Variants in NFASC observed in about 807,000 individuals in gnomAD.
The protein encoded by NFASC is neurofascin, also known as neurofascin homolog.
Under a neutral mutation model 147.5 loss-of-function variants are expected in NFASC, and 43 were observed. The observed-to-expected ratio is 0.29, with a 90% CI of 0.23 to 0.38. NFASC has a LOEUF of 0.38. Ranked by LOEUF, NFASC falls within the 10% of genes least tolerant of loss-of-function variation. NFASC has a pLI of 1.00. For synonymous variants in NFASC, 622 were observed against 665.5 expected (o/e 0.93, Z 1.01); for missense variants, 1,320 against 1,689.0 (o/e 0.78, Z 3.83).
intron 1 of NFASC, among the ~76,000 whole-genome samples, chr1:204,855,313 A>G (rs2076058572): frequency 6.6e-6 from 1 of 152,232 alleles, no homozygotes; most frequent in South Asian, 2.1e-4. Flanking sequence ...ATAACTGGGA[A>G]CCAAGAGACA....
At chr1:204,958,031 C>T (rs2094504365) in intron 8 of NFASC, among the ~76,000 whole-genome samples, 1 of 152,198 alleles carries the variant, frequency 6.6e-6, no homozygotes, top group Non-Finnish European at 1.5e-5. Context: ...CTTGGTCCTA[C>T]TCTAAGTCAA....
chr1:204,900,646 G>T (rs543080137), intron 1 of NFASC, among the ~76,000 whole-genome samples: 13 of 152,256 alleles, frequency 8.5e-5, no homozygotes, highest in South Asian at 2.1e-4. Context: ...TGCTAGTGAG[G>T]TATAAATTAA....
intron 1 of NFASC, among the ~76,000 whole-genome samples, chr1:204,857,916 C>CTTTTTTTTTT (rs777663775): frequency 9.0e-5 from 12 of 133,682 alleles, no homozygotes; most frequent in East Asian, 2.7e-4. Flanking sequence ...CCTTCTTCTT[C>CTTTTTTTTTT]TTCTTTTTTT....
intron 2 of NFASC, among the ~76,000 whole-genome samples, chr1:204,942,434 A>G (rs2093421767): frequency 6.6e-6 from 1 of 152,176 alleles, no homozygotes; most frequent in African/African-American, 2.4e-5. Flanking sequence ...TGCATTATGC[A>G]GGGCCTCTGA....
At chr1:204,930,071 C>G (rs1484290759) in intron 2 of NFASC, among the ~76,000 whole-genome samples, 2 of 152,152 alleles carry the variant, frequency 1.3e-5, no homozygotes, top group Admixed American at 1.3e-4. Flanking sequence ...GATTTCAGAA[C>G]CCAGTGCAGC....
chr1:205,011,232 G>A (rs2595967), intron 28 of NFASC, among the ~76,000 whole-genome samples: 57,777 of 146,088 alleles, frequency 0.4, 12,161 homozygotes, highest in Non-Finnish European at 0.49. Flanking sequence ...CAACACAAAG[G>A]AAATAGAAGG....
intron 2 of NFASC, among the ~76,000 whole-genome samples, chr1:204,941,990 A>G (rs1412650125): frequency 1.3e-5 from 2 of 152,126 alleles, no homozygotes; most frequent in African/African-American, 4.8e-5. Flanking sequence ...TATTTCATCC[A>G]TTTAATCATT....
intron 2 of NFASC, among the ~76,000 whole-genome samples, chr1:204,943,685 T>C (rs2093521703): frequency 6.6e-6 from 1 of 152,202 alleles, no homozygotes; most frequent in East Asian, 1.9e-4. Flanking sequence ...TCAAAGGACA[T>C]CAGTGCGATC....
chr1:204,937,166 A>T (rs929201164), intron 2 of NFASC, among the ~76,000 whole-genome samples: 1 of 151,996 alleles, frequency 6.6e-6, no homozygotes, highest in Non-Finnish European at 1.5e-5. Context: ...AAAAAAAAAC[A>T]CTTCTAGAGC....
chr1:204,921,364 G>A (rs2090444665), intron 2 of NFASC, among the ~76,000 whole-genome samples: 1 of 152,220 alleles, frequency 6.6e-6, no homozygotes, highest in South Asian at 2.1e-4. Flanking sequence ...GAGCAGTAAC[G>A]GGCAGTAGTG....
At chr1:204,884,860 A>G (rs2080996389) in intron 1 of NFASC, among the ~76,000 whole-genome samples, 2 of 152,272 alleles carry the variant, frequency 1.3e-5, no homozygotes, top group South Asian at 4.1e-4. Flanking sequence ...AGAGTGCCAC[A>G]CTTCAGCCAT....
At chr1:204,852,562 T>C (rs1454640468) in intron 1 of NFASC, among the ~76,000 whole-genome samples, 1 of 152,176 alleles carries the variant, frequency 6.6e-6, no homozygotes, top group Non-Finnish European at 1.5e-5. Flanking sequence ...AAGTGCTACA[T>C]CTTAGGATGT....
intron 2 of NFASC, among the ~76,000 whole-genome samples, chr1:204,939,975 G>A (rs111535040): frequency 1.4e-4 from 22 of 152,350 alleles, no homozygotes; most frequent in African/African-American, 5.3e-4. Flanking sequence ...ATGGATGGCA[G>A]GGGTTGCAAA....
At chr1:204,951,384 G>A (rs1158503449) in intron 4 of NFASC, among the ~76,000 whole-genome samples, 1 of 142,366 alleles carries the variant, frequency 7.0e-6, no homozygotes, top group African/African-American at 2.6e-5. Flanking sequence ...GGCTGGTCTT[G>A]AACTCCTGAC....
chr1:204,921,420 G>A (rs2090453630), intron 2 of NFASC, among the ~76,000 whole-genome samples: 1 of 152,218 alleles, frequency 6.6e-6, no homozygotes, highest in Non-Finnish European at 1.5e-5. Flanking sequence ...GGTCTGGGCT[G>A]GAGGCCTGAG....
At chr1:204,831,561 T>C (rs951600440) in intron 1 of NFASC, among the ~76,000 whole-genome samples, 11 of 151,986 alleles carry the variant, frequency 7.2e-5, no homozygotes, top group Non-Finnish European at 1.6e-4. Context: ...TCAGGCTTTT[T>C]TGGAGGCCAG....
Position 204,968,242 on chromosome 1 carries a change from G to T in NFASC, c.707-7G>T. On this transcript the variant is annotated splice_region_variant and splice_polypyrimidine_tract_variant and intron_variant, in intron 8 of 29. Coordinates refer to ENST00000339876, the MANE Select transcript of NFASC (RefSeq NM_001005388.3). The surrounding 1 kb of genome is among the most constrained non-coding windows in gnomAD (Gnocchi z 5.4). ...GGCTCATGGGAGTTTGTTCTCTCCT[G>T]TTTCAGCCCGAGGAGTTGCAGAAAG... 2 of 1,611,048 alleles carry T rather than the reference G, an allele frequency of 1.2e-6. No homozygotes were observed. Among genetic ancestry groups the T allele is most frequent in the Non-Finnish European group, 1.7e-6 (2 of 1,177,134 alleles).
rs1201491702 is a variant in NFASC at position 204,997,355 on chromosome 1, A to G, written c.2968A>G (p.Thr990Ala). ...TTTTTAAATT[T>A]TESPPTTTSG... is the part of the protein sequence containing the mutation. ...TACAACCACTGCTGCCGCCACCACCACCACGGAGAGTCCTCCCACCACCAC... is the reference window on the plus strand; with the variant it reads ...TACAACCACTGCTGCCGCCACCACCGCCACGGAGAGTCCTCCCACCACCAC... The change falls in exon 25 of 30, where the codon ACC (threonine) becomes GCC (alanine). Residue 990 changes from threonine (T) to alanine (A), a missense_variant. Around this residue, in one of 3 missense-constraint regions of NFASC, gnomAD observed 172 missense variants for 165.8 expected, o/e 1.04. Coordinates refer to ENST00000339876, the MANE Select transcript of NFASC (RefSeq NM_001005388.3). 1 of 1,556,400 alleles carries G rather than the reference A, an allele frequency of 6.4e-7. No homozygotes were observed. The highest frequency in any genetic ancestry group is 1.4e-5 in the African/African-American group (1 of 72,980).
At chr1:204,989,697 A>T (rs2095683435) in intron 23 of NFASC, 1 of 152,266 alleles carries the variant, frequency 6.6e-6, no homozygotes, top group South Asian at 2.1e-4. Flanking sequence ...ACTGCCACAC[A>T]CAAGGGATAT....
Sources: gnomAD v4.1 joint callset for allele counts (sites outside exome capture counted in the v4.1 genomes callset) on GRCh38, gnomAD v4.1.1 for gene constraint, gnomAD v4.1.1 regional missense constraint, Gnocchi (gnomAD v3.1) non-coding constraint, MANE v1.5 for transcripts, NCBI Gene and HGNC (gene_info 2026-07-23, HGNC 2026-07-21) for gene names.